ERCC6L2: variants seen among roughly 807,000 people sequenced by gnomAD.
ERCC6L2 encodes the protein DNA excision repair protein ERCC-6-like 2.
Under a neutral mutation model 132.0 loss-of-function variants are expected in ERCC6L2, and 77 were observed. That is an observed-to-expected ratio of 0.58 (90% CI 0.49 to 0.71). ERCC6L2 has a LOEUF of 0.71. Ranked by LOEUF, ERCC6L2 falls within the 30% of genes least tolerant of loss-of-function variation. The pLI is 0.00. For synonymous variants in ERCC6L2, 583 were observed against 632.4 expected (o/e 0.92, Z 1.17); for missense variants, 1,542 against 1,837.6 (o/e 0.84, Z 2.94).
At chr9:96,035,234 C>T (rs990057917) in intron 19 of ERCC6L2, among the ~76,000 whole-genome samples, 2 of 152,132 alleles carry the variant, frequency 1.3e-5, no homozygotes, top group South Asian at 2.1e-4. Flanking sequence ...CAGAAGGGGG[C>T]GGGTCCCAGT....
Position 95,972,952 on chromosome 9 carries a change from C to T in ERCC6L2, c.3201C>T (p.Asp1067=), listed in dbSNP as rs1223341995. The T allele has an allele frequency of 1.5e-6, 2 of 1,315,912 alleles. No individual in the cohort carries two copies. The highest frequency in any genetic ancestry group is 5.2e-5 in the East Asian group (1 of 19,394). The allele number at this position is 1,315,912 out of a possible 1,614,324, so 81.5% of individuals were successfully genotyped here. Residue 1067 remains aspartate, a synonymous_variant, in exon 16 of 19, where the codon GAC becomes GAT. Transcript: ENST00000653738. ...GCCACAGACCAAGAACTATAAGAGA[C>T]AGAACTAGTTTTTCTTCAAAATTGC... is the stretch of plus-strand genomic sequence containing the variant. ...KQSHRPRTIR[D]RTSFSSKLPS...
intron 12 of ERCC6L2, among the ~76,000 whole-genome samples, chr9:95,943,144 G>A (rs1830883571): frequency 6.6e-6 from 1 of 152,148 alleles, no homozygotes; most frequent in South Asian, 2.1e-4. Flanking sequence ...TACTGGGAGT[G>A]TGGCTGATAG....
downstream of ERCC6L2, among the ~76,000 whole-genome samples, chr9:96,022,107 G>C (rs1323258533): frequency 6.6e-6 from 1 of 152,220 alleles, no homozygotes; most frequent in East Asian, 1.9e-4. Context: ...CCAAGTCCTA[G>C]AGAGAATTTC....
chr9:95,913,115 T>C (rs543474478), intron 4 of ERCC6L2, among the ~76,000 whole-genome samples: 16 of 152,218 alleles, frequency 1.1e-4, no homozygotes, highest in Middle Eastern at 3.2e-3. Context: ...AGTGATACTT[T>C]GCCACCATTT....
chr9:95,939,218 A>T (rs1274143146), intron 11 of ERCC6L2, among the ~76,000 whole-genome samples: 3 of 150,896 alleles, frequency 2.0e-5, no homozygotes, highest in Admixed American at 6.6e-5. Context: ...ATTTATATTC[A>T]CCCCTATTTT....
At chr9:95,917,050 T>C (rs1322262461) in intron 6 of ERCC6L2, among the ~76,000 whole-genome samples, 2 of 152,174 alleles carry the variant, frequency 1.3e-5, no homozygotes, top group Non-Finnish European at 2.9e-5. Flanking sequence ...GCAGTGTGTT[T>C]TCTGTTCACA....
intron 19 of ERCC6L2, among the ~76,000 whole-genome samples, chr9:96,033,934 G>C (rs1352187609): frequency 6.6e-6 from 1 of 152,230 alleles, no homozygotes; most frequent in Non-Finnish European, 1.5e-5. Context: ...CTGGTGCAGG[G>C]ACGTCAACTG....
chr9:95,936,391 C>T (rs1353079893), intron 11 of ERCC6L2, among the ~76,000 whole-genome samples: 1 of 152,144 alleles, frequency 6.6e-6, no homozygotes, highest in Admixed American at 6.5e-5. Context: ...CATCCTGTTG[C>T]AGTGTAACTC....
chr9:96,020,323 C>G (rs1834263224), downstream of ERCC6L2: 1 of 177,222 alleles, frequency 5.6e-6, no homozygotes, highest in African/African-American at 2.4e-5. Context: ...GGAAACAGAG[C>G]CAAACCATAT....
At chr9:96,038,815 A>G in intron 19 of ERCC6L2, 1 of 456,050 alleles carries the variant, frequency 2.2e-6, no homozygotes, top group Non-Finnish European at 4.4e-6. Context: ...GCTGGACTTA[A>G]CGATTTGCTT....
intron 18 of ERCC6L2, among the ~76,000 whole-genome samples, chr9:96,007,575 T>C (rs746422445): frequency 4.6e-5 from 7 of 152,176 alleles, no homozygotes; most frequent in Non-Finnish European, 8.8e-5. Context: ...CAGCATTGTC[T>C]AGAAGCACTA....
At chr9:96,040,286 G>A (rs1293425868) in intron 20 of ERCC6L2, among the ~76,000 whole-genome samples, 1 of 152,064 alleles carries the variant, frequency 6.6e-6, no homozygotes, top group Non-Finnish European at 1.5e-5. Context: ...CCCTGGGCAC[G>A]ACTCTCCCAC....
chr9:95,921,451 T>G, intron 7 of ERCC6L2, 136 bp downstream of exon 7: 1 of 561,378 alleles, frequency 1.8e-6, no homozygotes. Context: ...AAAATAGTTT[T>G]CAAAAATATT....
intron 13 of ERCC6L2, 82 bp from the exon 14 acceptor site, chr9:95,966,480 G>C: frequency 7.8e-7 from 1 of 1,278,824 alleles, no homozygotes; most frequent in Non-Finnish European, 1.0e-6. Flanking sequence ...CTAAAGCTGT[G>C]TATATACAGG....
chr9:95,945,821 G>A (rs1010116583), intron 12 of ERCC6L2, among the ~76,000 whole-genome samples: 4 of 152,166 alleles, frequency 2.6e-5, no homozygotes, highest in African/African-American at 7.2e-5. Flanking sequence ...GAAGATGGAG[G>A]AAACTCAGAA....
At chr9:95,940,206 C>T (rs749253167) in intron 11 of ERCC6L2, among the ~76,000 whole-genome samples, 1 of 152,188 alleles carries the variant, frequency 6.6e-6, no homozygotes, top group African/African-American at 2.4e-5. Context: ...CCTTTGCTGA[C>T]TAAGGTAGGG....
intron 3 of ERCC6L2, among the ~76,000 whole-genome samples, chr9:95,898,304 T>C (rs1828573154): frequency 6.6e-6 from 1 of 152,138 alleles, no homozygotes; most frequent in African/African-American, 2.4e-5. Context: ...ATTGAAACCT[T>C]CATTATATTG....
intron 13 of ERCC6L2, among the ~76,000 whole-genome samples, chr9:95,962,323 G>C (rs1219432017): frequency 6.6e-6 from 1 of 152,078 alleles, no homozygotes; most frequent in East Asian, 1.9e-4. Context: ...TACTACTGTT[G>C]AGAGTACAAC....
intron 2 of ERCC6L2, among the ~76,000 whole-genome samples, chr9:95,884,487 TTC>T (rs887426416): frequency 1.6e-5 from 2 of 126,886 alleles, no homozygotes; most frequent in Non-Finnish European, 3.5e-5. Context: ...TCTTCTTTTC[TTC>T]TTTTTTTTTT....
Sources: allele counts gnomAD v4.1 joint callset (sites outside exome capture counted in the v4.1 genomes callset), GRCh38; gene constraint gnomAD v4.1.1; transcripts MANE v1.5; gene names NCBI Gene and HGNC (gene_info 2026-07-23, HGNC 2026-07-21).